Variants in FHIT observed in about 807,000 individuals in gnomAD.
The protein encoded by FHIT is bis(5'-adenosyl)-triphosphatase.
Under a neutral mutation model 17.9 loss-of-function variants are expected in FHIT, and 19 were observed. The ratio of observed to expected loss-of-function variants is 1.06; its 90% CI spans 0.74 to 1.56. The LOEUF (loss-of-function observed/expected upper bound fraction) is 1.56. Ranked by LOEUF, FHIT falls within the 40% of genes most tolerant of loss-of-function variation. The pLI, the probability that FHIT is intolerant of heterozygous loss-of-function variation, is 0.00. For synonymous variants in FHIT, 81 were observed against 69.7 expected (o/e 1.16, Z -0.81); for missense variants, 248 against 189.2 (o/e 1.31, Z -1.82).
chr3:60,929,956 C>G (rs1553771219), intron 3 of FHIT, among the ~76,000 whole-genome samples: 1 of 152,198 alleles, frequency 6.6e-6, no homozygotes, highest in Non-Finnish European at 1.5e-5. Flanking sequence ...TACCTGACTT[C>G]AAACTATACT....
At chr3:60,277,001 G>T (rs966713117) in intron 5 of FHIT, among the ~76,000 whole-genome samples, 10 of 152,052 alleles carry the variant, frequency 6.6e-5, no homozygotes, top group African/African-American at 2.4e-4. Context: ...ATTTCAACAT[G>T]AGATTTGGAG....
intron 7 of FHIT, among the ~76,000 whole-genome samples, chr3:59,958,326 GAATT>G: frequency 6.6e-6 from 1 of 152,092 alleles, no homozygotes; most frequent in Non-Finnish European, 1.5e-5. Context: ...ATAGATCTTG[GAATT>G]AATACACATG....
chr3:60,880,279 T>C (rs1338395901), intron 3 of FHIT, among the ~76,000 whole-genome samples: 2 of 152,190 alleles, frequency 1.3e-5, no homozygotes, highest in African/African-American at 2.4e-5. Flanking sequence ...CCAGCAAATA[T>C]ATCCTTTAGA....
chr3:60,289,727 G>A (rs757861592), intron 5 of FHIT, among the ~76,000 whole-genome samples: 1 of 152,138 alleles, frequency 6.6e-6, no homozygotes, highest in Non-Finnish European at 1.5e-5. Context: ...TAGAAATGAT[G>A]TTCCGTGTTC....
chr3:61,174,485 T>C (rs1261323056), intron 2 of FHIT, among the ~76,000 whole-genome samples: 1 of 152,252 alleles, frequency 6.6e-6, no homozygotes, highest in African/African-American at 2.4e-5. Flanking sequence ...ATGGTTCATC[T>C]GCGTTGGCAA....
intron 5 of FHIT, among the ~76,000 whole-genome samples, chr3:60,114,488 C>CTT (rs145618938): frequency 0.092 from 5,453 of 59,184 alleles, 1,400 homozygotes; most frequent in East Asian, 0.4. Context: ...CAAGAGAAAT[C>CTT]CTTTTTTTTT....
At chr3:59,807,880 G>T (rs934044282) in intron 8 of FHIT, among the ~76,000 whole-genome samples, 2 of 152,176 alleles carry the variant, frequency 1.3e-5, no homozygotes, top group Non-Finnish European at 2.9e-5. Flanking sequence ...GATAACTAGT[G>T]GGTGGATCGG....
intron 2 of FHIT, among the ~76,000 whole-genome samples, chr3:61,183,945 A>G (rs1036748913): frequency 1.3e-5 from 2 of 152,034 alleles, no homozygotes; most frequent in Non-Finnish European, 2.9e-5. Flanking sequence ...GATGACCACA[A>G]TTCATTTCCA....
At chr3:61,049,450 C>T (rs2033943385) in intron 2 of FHIT, among the ~76,000 whole-genome samples, 1 of 151,860 alleles carries the variant, frequency 6.6e-6, no homozygotes. Context: ...AGACCTATAT[C>T]CAGATATAGG....
At chr3:60,108,978 T>C (rs17062269) in intron 5 of FHIT, among the ~76,000 whole-genome samples, 9,512 of 152,254 alleles carry the variant, frequency 0.062, 983 homozygotes, top group East Asian at 0.43. Context: ...TTCTCTTTTC[T>C]AAGATTTGAG....
At chr3:60,391,639 G>A (rs1389387720) in intron 5 of FHIT, among the ~76,000 whole-genome samples, 2 of 152,102 alleles carry the variant, frequency 1.3e-5, no homozygotes, top group African/African-American at 4.8e-5. Flanking sequence ...TGTTACAGCT[G>A]CATATAATAT....
At chr3:61,114,694 A>G (rs2036251340) in intron 2 of FHIT, among the ~76,000 whole-genome samples, 1 of 152,144 alleles carries the variant, frequency 6.6e-6, no homozygotes, top group African/African-American at 2.4e-5. Context: ...TGTCCTGTTA[A>G]TGCAATTGTA....
rs146140109 is a variant in FHIT at position 60,394,285 on chromosome 3, A to G, written c.103+142575T>C. ...TCTAAATTACAGTTCTTAACTTTCT[A>G]TTGAGAAACAGATCAACCCACTCTC... On this transcript the variant is annotated intron_variant, in intron 5 of 9. Transcript: ENST00000492590. Among the ~76,000 whole-genome samples, 389 of 152,274 alleles carry G rather than the reference A, an allele frequency of 2.6e-3. 1 individual carries two copies. Among genetic ancestry groups the G allele is most frequent in the African/African-American group, 8.9e-3 (370 of 41,550 alleles).
chr3:60,538,254 G>A (rs1027271944), intron 4 of FHIT, among the ~76,000 whole-genome samples: 9 of 152,118 alleles, frequency 5.9e-5, no homozygotes, highest in African/African-American at 9.7e-5. Context: ...ACCTCTTCAA[G>A]GAGAACTACA....
intron 3 of FHIT, among the ~76,000 whole-genome samples, chr3:60,881,835 G>T (rs560023979): frequency 2.0e-5 from 3 of 151,828 alleles, no homozygotes; most frequent in Non-Finnish European, 4.4e-5. Flanking sequence ...ATCTAACAGT[G>T]CAAGAACAAA....
chr3:60,771,492 G>A (rs782052216), intron 4 of FHIT, among the ~76,000 whole-genome samples: 2 of 152,200 alleles, frequency 1.3e-5, no homozygotes, highest in African/African-American at 2.4e-5. Flanking sequence ...ATCAGTGACT[G>A]TGTAACTCAG....
chr3:60,196,819 T>G (rs1041230968), intron 5 of FHIT, among the ~76,000 whole-genome samples: 1 of 143,294 alleles, frequency 7.0e-6, no homozygotes, highest in Non-Finnish European at 1.6e-5. Context: ...ATAGTAAATG[T>G]TTTATTTGTA....
chr3:59,850,563 A>T (rs1701893733), intron 8 of FHIT, among the ~76,000 whole-genome samples: 1 of 152,194 alleles, frequency 6.6e-6, no homozygotes, highest in African/African-American at 2.4e-5. Context: ...CTAAAGGTCA[A>T]GCTATTAGAG....
intron 5 of FHIT, among the ~76,000 whole-genome samples, chr3:60,123,034 C>T (rs1418700699): frequency 6.6e-6 from 1 of 152,142 alleles, no homozygotes; most frequent in Non-Finnish European, 1.5e-5. Flanking sequence ...AATTTTATTA[C>T]TGACTTCCTA....
Sources: gnomAD v4.1 joint callset for allele counts (sites outside exome capture counted in the v4.1 genomes callset) on GRCh38, gnomAD v4.1.1 for gene constraint, MANE v1.5 for transcripts, NCBI Gene and HGNC (gene_info 2026-07-23, HGNC 2026-07-21) for gene names.